COL18A1: variants seen among roughly 807,000 people sequenced by gnomAD.
COL18A1 encodes collagen type XVIII alpha 1 chain.
In COL18A1, 133 loss-of-function variants were observed where a neutral mutation model predicts 168.0. The ratio of observed to expected loss-of-function variants is 0.79; its 90% CI spans 0.69 to 0.91. The LOEUF (loss-of-function observed/expected upper bound fraction) is 0.91, where lower values mean the gene tolerates loss of function less well. COL18A1 is among the 40% of genes least tolerant of loss of function. COL18A1 has a pLI of 0.00. For missense variants in COL18A1, 2,126 were observed against 1,925.4 expected (o/e 1.10, Z -1.95); for synonymous variants, 949 against 809.0 (o/e 1.17, Z -2.94).
chr21:45,474,577 G>A (rs544024898), intron 4 of COL18A1, among the ~76,000 whole-genome samples: 1 of 152,284 alleles, frequency 6.6e-6, no homozygotes, highest in South Asian at 2.1e-4. Flanking sequence ...TGTGTGTTGT[G>A]TGGCGTGTGT....
intron 2 of COL18A1, 117 bp from the exon 3 acceptor site, chr21:45,468,125 G>A (rs2035280289): frequency 9.0e-7 from 1 of 1,113,062 alleles, no homozygotes; most frequent in African/African-American, 1.5e-5. Flanking sequence ...CACGTGGAGA[G>A]CCCTCCCAGA....
At chr21:45,405,558 C>G (rs1470150712) in intron 2 of COL18A1, 85 bp downstream of exon 2, 3 of 846,814 alleles carry the variant, frequency 3.5e-6, no homozygotes, top group Non-Finnish European at 4.6e-6. Context: ...GGCTCCCTCA[C>G]CCCCGCCCCG....
At position 45,478,640 on chromosome 21, in the gene COL18A1, G is replaced by T. The variant is rs188220462; in HGVS notation, c.1248+287G>T. 6.2e-3 allele frequency among the ~76,000 whole-genome samples: 929 copies of T among 150,104 alleles called. 39 individuals are homozygous for T. The highest frequency in any genetic ancestry group is 0.053 in the Admixed American group (798 of 15,010). ...CCTTAGAGGGAAGACGCACAGCAAAGAAAAAGGAAGTCGGGCGGGGCAGGG... is the reference window on the plus strand; with the variant it reads ...CCTTAGAGGGAAGACGCACAGCAAATAAAAAGGAAGTCGGGCGGGGCAGGG... On this transcript the variant is annotated intron_variant, in intron 9 of 41. Transcript: ENST00000651438.
intron 38 of COL18A1, 145 bp from the exon 39 acceptor site, chr21:45,509,211 A>AGGGCAGCCCCAGAGTCGGGG: frequency 2.7e-6 from 3 of 1,125,730 alleles, no homozygotes; most frequent in Non-Finnish European, 3.7e-6. Context: ...CTACACCCCC[A>AGGGCAGCCCCAGAGTCGGGG]GGGCAGCCCC....
intron 32 of COL18A1, among the ~76,000 whole-genome samples, chr21:45,500,107 TGA>T (rs1199019967): frequency 6.9e-6 from 1 of 144,340 alleles, no homozygotes; most frequent in Non-Finnish European, 1.5e-5. Flanking sequence ...GTGGGTGTGC[TGA>T]GTGTGTGCAG....
chr21:45,476,201 C>T (rs1024103655), intron 5 of COL18A1, 150 bp from the exon 6 acceptor site: 3 of 1,189,362 alleles, frequency 2.5e-6, no homozygotes, highest in Admixed American at 4.4e-5. Context: ...GAAGGAAGCC[C>T]CTCGCGCACG....
chr21:45,474,276 TG>T (rs1298200085), intron 4 of COL18A1, among the ~76,000 whole-genome samples: 2 of 150,690 alleles, frequency 1.3e-5, no homozygotes, highest in African/African-American at 5.0e-5. Context: ...TGTGTCTGTG[TG>T]GTGTGTCTCT....
Position 45,498,123 on chromosome 21 carries a change from TC to T in COL18A1, c.2683+468del, listed in dbSNP as rs1427603168. ...CCCTGCTCCCCCAAAGGACAAGAAT[TC>T]CCCCCTGAGCCCCACCTCCATTGAG... On this transcript the variant is annotated intron_variant, in intron 32 of 41. Transcript: ENST00000651438. The surrounding 1 kb of genome is among the most constrained non-coding windows in gnomAD (Gnocchi z 4.5). 13 of 630,530 alleles carry T rather than the reference TC, an allele frequency of 2.1e-5. No individual in the cohort carries two copies. The Admixed American group carries it at 2.3e-4, about 11-fold the overall frequency. 39.1% of individuals were successfully genotyped at this position (630,530 alleles called of 1,614,324 possible). A position where few individuals can be genotyped will look rare whatever the true frequency, so the allele number is the denominator to read the frequency against.
intron 2 of COL18A1, among the ~76,000 whole-genome samples, chr21:45,464,993 C>A (rs1403509688): frequency 6.6e-6 from 1 of 152,222 alleles, no homozygotes; most frequent in Non-Finnish European, 1.5e-5. Context: ...GGGAGTCTTA[C>A]TTTGCATTAA....
intron 2 of COL18A1, chr21:45,424,494 G>A (rs924585953): frequency 6.6e-6 from 1 of 152,272 alleles, no homozygotes; most frequent in African/African-American, 2.4e-5. Flanking sequence ...TGACCCCCAG[G>A]GCAGCCGTGC....
chr21:45,452,348 C>G (rs889110546), intron 2 of COL18A1, among the ~76,000 whole-genome samples: 3 of 148,972 alleles, frequency 2.0e-5, no homozygotes, highest in African/African-American at 7.5e-5. Context: ...TGCATATGCA[C>G]TCTGTGACAT....
intron 2 of COL18A1, chr21:45,456,277 C>G: frequency 6.4e-7 from 1 of 1,572,636 alleles, no homozygotes; most frequent in South Asian, 1.2e-5. Flanking sequence ...CCGCTCCCAG[C>G]CAGCAGCTCC....
At chr21:45,421,698 C>T (rs1602347151) in intron 2 of COL18A1, 4 of 452,842 alleles carry the variant, frequency 8.8e-6, no homozygotes, top group East Asian at 1.1e-4. Context: ...TGGCCGGGTA[C>T]TTGCCGTGCC....
At position 45,423,713 on chromosome 21, in the gene COL18A1, G is replaced by C. The variant is rs2033697124; in HGVS notation, c.106+18240G>C. On this transcript the variant is annotated intron_variant, in intron 2 of 41. Coordinates refer to ENST00000651438, the MANE Select transcript of COL18A1 (RefSeq NM_001379500.1). The surrounding 1 kb of genome is among the most constrained non-coding windows in gnomAD (Gnocchi z 4.0). ...AAATATTAACAGAGGAGGCCGGCCA[G>C]AGCTCCCCAGTGTTTGGAGGATAGC... 1 of 152,232 alleles carries C rather than the reference G, an allele frequency of 6.6e-6. No individual in the cohort carries two copies. The highest frequency in any genetic ancestry group is 6.5e-5 in the Admixed American group (1 of 15,280). 9.4% of individuals were successfully genotyped at this position (152,232 alleles called of 1,614,324 possible).
chr21:45,405,302 G>C, intron 1 of COL18A1, 61 bp downstream of exon 1: 1 of 923,310 alleles, frequency 1.1e-6, no homozygotes, highest in Non-Finnish European at 1.4e-6. Context: ...GGGGGTCGCG[G>C]GGGTCGCGGG....
At chr21:45,476,561 A>G in intron 6 of COL18A1, 81 bp downstream of exon 6, 1 of 1,481,572 alleles carries the variant, frequency 6.7e-7, no homozygotes, top group Non-Finnish European at 9.2e-7. Flanking sequence ...ATGGTGAGGT[A>G]TGTGTGTGAT....
intron 2 of COL18A1, among the ~76,000 whole-genome samples, chr21:45,465,384 C>T (rs892696151): frequency 3.3e-5 from 5 of 152,180 alleles, no homozygotes; most frequent in Admixed American, 2.6e-4. Flanking sequence ...TTTAGCCTTC[C>T]GTGGGGGCTC....
intron 2 of COL18A1, chr21:45,424,316 C>G (rs1272154853): frequency 6.6e-6 from 1 of 152,436 alleles, no homozygotes; most frequent in African/African-American, 2.4e-5. Context: ...GCTCAGGGCT[C>G]TGCTGGGGAG....
chr21:45,481,334 A>G (rs2035886182), intron 13 of COL18A1, among the ~76,000 whole-genome samples: 1 of 152,102 alleles, frequency 6.6e-6, no homozygotes, highest in Non-Finnish European at 1.5e-5. Context: ...TGCCTGCCCC[A>G]CCAGCTGTGC....
Sources: gnomAD v4.1 joint callset for allele counts (sites outside exome capture counted in the v4.1 genomes callset) on GRCh38, gnomAD v4.1.1 for gene constraint, Gnocchi (gnomAD v3.1) non-coding constraint, MANE v1.5 for transcripts, NCBI Gene and HGNC (gene_info 2026-07-23, HGNC 2026-07-21) for gene names.